SRSF11: variants seen among roughly 807,000 people sequenced by gnomAD.
SRSF11 encodes serine and arginine rich splicing factor 11, also known as serine/arginine-rich splicing factor 11.
A neutral mutation model predicts 56.0 loss-of-function variants in SRSF11; 9 were observed. That is an observed-to-expected ratio of 0.16 (90% CI 0.10 to 0.28). The LOEUF is 0.28. Among genes scored for constraint, SRSF11 ranks in the 10% least tolerant of loss-of-function variants. The pLI is 1.00. For synonymous variants in SRSF11, 222 were observed against 215.3 expected (o/e 1.03, Z -0.27); for missense variants, 421 against 600.7 (o/e 0.70, Z 3.13).
chr1:70,247,507 A>G (rs545896087), intron 9 of SRSF11, among the ~76,000 whole-genome samples: 1 of 152,214 alleles, frequency 6.6e-6, no homozygotes, highest in East Asian at 1.9e-4. Context: ...TTATTCATCA[A>G]CATTACTTAA....
At chr1:70,206,318 A>G (rs1410255096) in intron 1 of SRSF11, among the ~76,000 whole-genome samples, 1 of 152,152 alleles carries the variant, frequency 6.6e-6, no homozygotes, top group African/African-American at 2.4e-5. Flanking sequence ...TGTTAACTTT[A>G]GGCAGTTTAC....
intron 2 of SRSF11, chr1:70,229,788 A>G: frequency 2.0e-6 from 2 of 984,060 alleles, no homozygotes; most frequent in Non-Finnish European, 2.4e-6. Context: ...GGTTTTCTAA[A>G]GAAATTAACT....
chr1:70,228,764 G>A (rs11558480), intron 2 of SRSF11: 81 of 1,219,628 alleles, frequency 6.6e-5, no homozygotes, highest in Non-Finnish European at 7.8e-5. Context: ...TTTACCTTTT[G>A]TTTTCTTTTA....
At chr1:70,240,215 A>G (rs1044428204) in intron 7 of SRSF11, among the ~76,000 whole-genome samples, 1 of 152,240 alleles carries the variant, frequency 6.6e-6, no homozygotes, top group African/African-American at 2.4e-5. Context: ...ACTAGATTTA[A>G]TTCTGCTACT....
chr1:70,246,889 G>A lies in SRSF11; in HGVS notation c.1004G>A (p.Arg335His), dbSNP rs970025981. Residue 335 changes from arginine to histidine, a missense_variant, in exon 9 of 12, where the codon CGT becomes CAT. Physicochemically the swap from Arg to His is conservative, Grantham distance 29. This residue lies in a region of SRSF11 where 253 missense variants were observed against 305.8 expected (regional missense o/e 0.83). Transcript: ENST00000370949. Reference protein sequence around the residue: ...TPPKSYSTARRSRSASRERRR... With the variant: ...TPPKSYSTARHSRSASRERRR... ...CCAAAAAGTTACAGCACAGCCAGAC[G>A]TTCTAGAAGTGCAAGCAGGTAAGGT... 5 of 1,606,178 alleles carry A rather than the reference G, an allele frequency of 3.1e-6. No homozygotes were observed. The highest frequency in any genetic ancestry group is 2.2e-5 in the East Asian group (1 of 44,620).
In SRSF11 at chr1:70,229,011, C is replaced by A. The variant is rs547361940; in HGVS notation, c.337+456C>A. 18 of 964,728 alleles carry A rather than the reference C, an allele frequency of 1.9e-5. No individual in the cohort carries two copies. The East Asian group carries it at 1.4e-3, about 75-fold the overall frequency. The allele number at this position is 964,728 out of a possible 1,614,324, so 59.8% of individuals were successfully genotyped here. On this transcript the variant is annotated intron_variant, in intron 2 of 11. Transcript: ENST00000370949. ...ATTGATAATCTGGAAAAAAAAAAAA[C>A]ACATTGAATTTCAGTATACCAAGGG...
upstream of SRSF11, among the ~76,000 whole-genome samples, chr1:70,217,587 A>G (rs1670130150): frequency 6.6e-6 from 1 of 152,166 alleles, no homozygotes; most frequent in African/African-American, 2.4e-5. Context: ...CGTACATAAT[A>G]TTTGAAGAAA....
rs748874230 is a variant in SRSF11, at chr1:70,250,374, G to A, written c.1128G>A (p.Lys376=). 1.2e-6 allele frequency: 2 copies of A among 1,609,342 alleles called. No individual in the cohort carries two copies. The highest frequency in any genetic ancestry group is 1.7e-5 in the Admixed American group (1 of 59,542). Residue 376 remains lysine, a synonymous_variant, in exon 11 of 12, where the codon AAG becomes AAA. Transcript: ENST00000370949. ...SRSPSPRRHK[K]EKKKDKDKER... ...TTTACTGTCATTCTAGACATAAAAA[G>A]GAGAAGAAGAAAGATAAAGACAAAG...
intron 7 of SRSF11, among the ~76,000 whole-genome samples, chr1:70,243,327 G>C (rs537394589): frequency 3.2e-5 from 3 of 94,064 alleles, no homozygotes; most frequent in South Asian, 4.1e-4. Flanking sequence ...ATCCACATTT[G>C]GTTGGTGGCA....
intron 7 of SRSF11, 72 bp from the exon 8 acceptor site, chr1:70,244,612 C>T: frequency 6.6e-7 from 1 of 1,515,016 alleles, no homozygotes; most frequent in Non-Finnish European, 9.0e-7. Flanking sequence ...AATCTTTTGT[C>T]TGATACTAAG....
chr1:70,229,880 G>A, intron 2 of SRSF11: 1 of 985,140 alleles, frequency 1.0e-6, no homozygotes, highest in African/African-American at 1.7e-5. Flanking sequence ...CCAGTTTTAA[G>A]GTTTTGTAAT....
At chr1:70,205,909 C>T (rs1254303437) in intron 1 of SRSF11, 2 of 167,220 alleles carry the variant, frequency 1.2e-5, no homozygotes, top group Admixed American at 6.4e-5. Context: ...TCTCTTCTCC[C>T]CTCTCCTAGT....
chr1:70,212,766 C>T (rs1399791293), intron 1 of SRSF11, among the ~76,000 whole-genome samples: 1 of 152,062 alleles, frequency 6.6e-6, no homozygotes, highest in Non-Finnish European at 1.5e-5. Context: ...TATTGTTAGT[C>T]ATCAATTGAA....
intron 1 of SRSF11, among the ~76,000 whole-genome samples, chr1:70,207,105 T>TG (rs1161268235): frequency 6.6e-6 from 1 of 151,988 alleles, no homozygotes. Flanking sequence ...TTGGTCAGGC[T>TG]GGTCTCGAAC....
chr1:70,239,758 A>G (rs1255795450), intron 7 of SRSF11, among the ~76,000 whole-genome samples: 2 of 152,196 alleles, frequency 1.3e-5, no homozygotes, highest in Admixed American at 6.5e-5. Flanking sequence ...CATTGGAACT[A>G]GAGCAACAAA....
chr1:70,213,950 T>G (rs1035460165), intron 1 of SRSF11, among the ~76,000 whole-genome samples: 13 of 152,224 alleles, frequency 8.5e-5, no homozygotes, highest in Admixed American at 2.6e-4. Context: ...AATTCAGTCT[T>G]ATTAATGAAA....
upstream of SRSF11, among the ~76,000 whole-genome samples, chr1:70,220,133 C>T (rs1220742941): frequency 6.6e-6 from 1 of 152,188 alleles, no homozygotes; most frequent in Non-Finnish European, 1.5e-5. Context: ...CCAGGAAGCT[C>T]ACAACTTTGA....
intron 1 of SRSF11, among the ~76,000 whole-genome samples, chr1:70,209,861 C>T (rs1008242192): frequency 4.1e-5 from 6 of 144,604 alleles, no homozygotes; most frequent in Non-Finnish European, 9.0e-5. Flanking sequence ...GGCCTCCCAA[C>T]GTGTTGGAAT....
intron 2 of SRSF11, chr1:70,231,779 T>A: frequency 1.5e-6 from 2 of 1,298,112 alleles, no homozygotes; most frequent in Non-Finnish European, 2.0e-6. Flanking sequence ...AAGAAAATCA[T>A]AGTAACTGTA....
Sources: allele counts gnomAD v4.1 joint callset (sites outside exome capture counted in the v4.1 genomes callset), GRCh38; gene constraint gnomAD v4.1.1; regional missense constraint gnomAD v4.1.1; transcripts MANE v1.5; gene names NCBI Gene and HGNC (gene_info 2026-07-23, HGNC 2026-07-21).